Variants in GCN1 observed in about 807,000 individuals in gnomAD.
GCN1 encodes the protein stalled ribosome sensor GCN1.
In GCN1, 90 loss-of-function variants were observed where a neutral mutation model predicts 288.4. The observed-to-expected ratio is 0.31, with a 90% CI of 0.26 to 0.37. The LOEUF (loss-of-function observed/expected upper bound fraction) is 0.37, where lower values mean the gene tolerates loss of function less well. Ranked by LOEUF, GCN1 falls within the 10% of genes least tolerant of loss-of-function variation. GCN1 has a pLI of 1.00. For missense variants in GCN1, 2,586 were observed against 3,419.9 expected (o/e 0.76, Z 6.08); for synonymous variants, 1,386 against 1,420.2 (o/e 0.98, Z 0.54).
At chr12:120,130,001 C>G (rs1372678120) in intron 56 of GCN1, among the ~76,000 whole-genome samples, 4 of 152,232 alleles carry the variant, frequency 2.6e-5, no homozygotes, top group Non-Finnish European at 4.4e-5. Flanking sequence ...TCAGGCCCCT[C>G]AGAAACTCCG....
In GCN1 at chr12:120,177,490, G is replaced by A. The variant is rs372570686; in HGVS notation, c.795C>T (p.Thr265=). The change falls in exon 9 of 58, where the codon ACC becomes ACT. Residue 265 remains threonine, a synonymous_variant. Transcript: ENST00000300648. ...HSEFKDLILP[T]IQKSLLRSPE... The stretch of plus-strand genomic sequence containing the variant: ...GACTCCTCAGTAAGGACTTCTGTAT[G>A]GTGGGCAGTATCAGATCCTTAAATT... The A allele has an allele frequency of 1.9e-6, 3 of 1,608,560 alleles. No homozygotes were observed. Among genetic ancestry groups the A allele is most frequent in the Non-Finnish European group, 2.6e-6 (3 of 1,175,052 alleles).
Position 120,158,613 on chromosome 12 carries a change from T to G in GCN1, c.2752A>C (p.Thr918Pro). ...CGCAGGGTCACGTGGCTCACCAAAG[T>G]GCCTGTGTTGAAGAGGAGAGACCCA... ...VMPSRLKALG[T>P]LVSHVTLRLL... The change falls in exon 25 of 58, where the codon ACT becomes CCT. Residue 918 changes from threonine (T) to proline (P), a missense_variant and splice_region_variant. Coordinates refer to ENST00000300648, the MANE Select transcript of GCN1 (RefSeq NM_006836.2). The surrounding 1 kb of genome is among the most constrained non-coding windows in gnomAD (Gnocchi z 4.3). The G allele has an allele frequency of 6.2e-7, 1 of 1,603,216 alleles. No individual in the cohort carries two copies.
At chr12:120,138,295 A>C in intron 47 of GCN1, 28 bp downstream of exon 47, 1 of 1,358,066 alleles carries the variant, frequency 7.4e-7, no homozygotes, top group Non-Finnish European at 1.1e-6. Flanking sequence ...CTGGAGCCAG[A>C]GGGTGTTGAC....
At chr12:120,190,839 C>A (rs11831750) in intron 1 of GCN1, among the ~76,000 whole-genome samples, 411 of 152,306 alleles carry the variant, frequency 2.7e-3, no homozygotes, top group African/African-American at 9.2e-3. Context: ...GTTCCCTTTA[C>A]ATTATCTCAC....
At chr12:120,175,054 G>A in intron 12 of GCN1, 108 bp downstream of exon 12, 3 of 897,092 alleles carry the variant, frequency 3.3e-6, no homozygotes, top group African/African-American at 1.7e-5. Context: ...TTGAACCTGG[G>A]AGGCAGAGGT....
chr12:120,171,509 A>G (rs773363636), intron 14 of GCN1, among the ~76,000 whole-genome samples: 3 of 151,902 alleles, frequency 2.0e-5, no homozygotes, highest in Non-Finnish European at 2.9e-5. Context: ...CTTCCCCCCT[A>G]CCCCAACACC....
At position 120,137,222 on chromosome 12, in the gene GCN1, A is replaced by G; in HGVS notation, c.6761T>C (p.Phe2254Ser). The change falls in exon 50 of 58, where the codon TTC becomes TCC. Residue 2254 changes from phenylalanine (F) to serine (S), a missense_variant. Physicochemically the swap from Phe to Ser is radical, Grantham distance 155. This residue lies in a region of GCN1 where 437 missense variants were observed against 570.5 expected (regional missense o/e 0.77). Transcript: ENST00000300648. The surrounding 1 kb of genome is among the most constrained non-coding windows in gnomAD (Gnocchi z 5.2). ...CTGGCTTACCTTCTTCGGGAGGCAG[A>G]ATCCTGGCACATGCTCGCCTTTGCT... is the stretch of plus-strand genomic sequence containing the variant. Reference protein sequence around the residue: ...NESKGEHVPGFCLPKKGVTSI... With the variant: ...NESKGEHVPGSCLPKKGVTSI... 6.2e-7 allele frequency: 1 copy of G among 1,613,970 alleles called. No individual in the cohort carries two copies. The highest frequency in any genetic ancestry group is 8.5e-7 in the Non-Finnish European group (1 of 1,179,834).
At chr12:120,177,830 G>A in intron 7 of GCN1, 78 bp from the exon 8 acceptor site, 1 of 1,024,818 alleles carries the variant, frequency 9.8e-7, no homozygotes, top group Non-Finnish European at 1.5e-6. Flanking sequence ...CCTCTTGTGA[G>A]AGTGCCTCCA....
rs200979023 is a variant in GCN1, at chr12:120,178,894, G to A, written c.483C>T (p.Ala161=). The A allele has an allele frequency of 7.2e-4, 1,164 of 1,614,044 alleles. 10 individuals carry two copies. The Middle Eastern group carries it at 0.011, about 15-fold the overall frequency. ...TGAGTTTCTTCACAGCACCATCCACGGCGTGCTTGTGGGAGCCACCCAGCA... is the reference window on the plus strand; with the variant it reads ...TGAGTTTCTTCACAGCACCATCCACAGCGTGCTTGTGGGAGCCACCCAGCA... ...LEVLGGSHKH[A]VDGAVKKLTK... The change falls in exon 6 of 58, where the codon GCC becomes GCT. Residue 161 remains alanine, a synonymous_variant. Coordinates refer to ENST00000300648, the MANE Select transcript of GCN1 (RefSeq NM_006836.2).
At chr12:120,131,161 T>C (rs1876805633) in intron 55 of GCN1, 24 bp downstream of exon 55, 12 of 1,611,642 alleles carry the variant, frequency 7.4e-6, no homozygotes, top group Non-Finnish European at 1.0e-5. Flanking sequence ...CCTATGCCTA[T>C]GGGATATGGC....
Position 120,156,151 on chromosome 12 carries a change from A to C in GCN1, c.3312+310T>G, listed in dbSNP as rs1450392317. Among the ~76,000 whole-genome samples, 2 of 152,186 alleles carry C rather than the reference A, an allele frequency of 1.3e-5. No individual in the cohort carries two copies. The highest frequency in any genetic ancestry group is 4.8e-5 in the African/African-American group (2 of 41,446). ...TTTGGTCCAAAAGCCATGAAGAAAA[A>C]CCAAGTACATGGCAGTGGGCTAAAG... On this transcript the variant is annotated intron_variant, in intron 28 of 57. Transcript: ENST00000300648. This position sits in a 1 kb window ranked among gnomAD's most constrained non-coding sequence, Gnocchi z 5.8.
Position 120,158,364 on chromosome 12 carries a change from C to T in GCN1, c.2905+96G>A. ...AAATCCTCCATATGGTCCAATCCCC[C>T]AGGCTCAGGAGGCCCTGGGTGACGC... On this transcript the variant is annotated intron_variant, in intron 25 of 57. Transcript: ENST00000300648. The surrounding 1 kb of genome is among the most constrained non-coding windows in gnomAD (Gnocchi z 4.3). The T allele has an allele frequency of 9.4e-7, 1 of 1,062,802 alleles. No individual in the cohort carries two copies. The highest frequency in any genetic ancestry group is 1.3e-6 in the Non-Finnish European group (1 of 748,782). The allele number at this position is 1,062,802 out of a possible 1,614,324, so 65.8% of individuals were successfully genotyped here.
chr12:120,148,047 T>C, intron 37 of GCN1, 120 bp downstream of exon 37: 1 of 688,134 alleles, frequency 1.5e-6, no homozygotes, highest in Non-Finnish European at 2.5e-6. Flanking sequence ...TATTTCACTG[T>C]GAACATATTT....
At chr12:120,184,310 C>A in intron 3 of GCN1, 67 bp from the exon 4 acceptor site, 1 of 1,415,808 alleles carries the variant, frequency 7.1e-7, no homozygotes, top group African/African-American at 1.4e-5. Flanking sequence ...CAAGGCTGCT[C>A]AGGCCATACA....
At position 120,156,604 on chromosome 12, in the gene GCN1, C is replaced by G. The variant is rs1323599066; in HGVS notation, c.3169G>C (p.Val1057Leu). Residue 1057 changes from valine (V) to leucine (L), a missense_variant and splice_region_variant, in exon 28 of 58, where the codon GTT (valine) becomes CTT (leucine). Val to Leu is a conservative substitution (Grantham distance 32, BLOSUM62 1). This residue lies in a region of GCN1 where 153 missense variants were observed against 252.0 expected (regional missense o/e 0.61). Coordinates refer to ENST00000300648, the MANE Select transcript of GCN1 (RefSeq NM_006836.2). The surrounding 1 kb of genome is among the most constrained non-coding windows in gnomAD (Gnocchi z 5.8). Reference sequence around the variant, plus strand: ...GTGGTCAGGGTGTCTGAAGCCAGAACCTAAGGAGAACATCAATCCACTGGT... The same window carrying G: ...GTGGTCAGGGTGTCTGAAGCCAGAAGCTAAGGAGAACATCAATCCACTGGT... ...VIGTGSPRLQ[V>L]LASDTLTTLC... The G allele has an allele frequency of 6.2e-7, 1 of 1,613,860 alleles. No individual in the cohort carries two copies. Among genetic ancestry groups the G allele is most frequent in the Admixed American group, 1.7e-5 (1 of 60,000 alleles).
intron 23 of GCN1, 48 bp downstream of exon 23, chr12:120,160,094 T>C: frequency 1.9e-6 from 3 of 1,587,760 alleles, no homozygotes; most frequent in South Asian, 2.2e-5. Context: ...AGGACCAAGC[T>C]GCCCAGCACT....
rs1403464433 is a variant in GCN1 at position 120,184,764 on chromosome 12, A to C, written c.185+60T>G. 6.5e-6 allele frequency: 8 copies of C among 1,229,242 alleles called. No homozygotes were observed. The Admixed American group carries it at 6.7e-5, about 10-fold the overall frequency. 76.1% of individuals were successfully genotyped at this position (1,229,242 alleles called of 1,614,324 possible). On this transcript the variant is annotated intron_variant, in intron 3 of 57. Coordinates refer to ENST00000300648, the MANE Select transcript of GCN1 (RefSeq NM_006836.2). ...GGCTCTAATCTGGGCTCTAACCACT[A>C]CTCTAAATCCCCTCTCTGTACAAAG...
Position 120,136,604 on chromosome 12 carries a change from G to A in GCN1, c.6906C>T (p.Ser2302=), listed in dbSNP as rs199987142. ...RLTSADALRP[S]VVSITGPLIR... The stretch of plus-strand genomic sequence containing the variant: ...TCAGAGGGCCAGTGATGCTGACCAC[G>A]GAGGGCCTCAGGGCGTCAGCCGAGG... The change falls in exon 51 of 58, where the codon TCC becomes TCT. Residue 2302 remains serine, a synonymous_variant. Coordinates refer to ENST00000300648, the MANE Select transcript of GCN1 (RefSeq NM_006836.2). The A allele has an allele frequency of 1.8e-5, 29 of 1,614,128 alleles. No individual in the cohort carries two copies. The African/African-American group carries it at 2.8e-4, about 16-fold the overall frequency.
At position 120,148,481 on chromosome 12, in the gene GCN1, G is replaced by A. The variant is rs75042513; in HGVS notation, c.4547-135C>T. The stretch of plus-strand genomic sequence containing the variant: ...GCTCAAGCAGTCACTGGGAGGAGGG[G>A]AGAGGGGGCTGGCTCTAGCAGAGGG... On this transcript the variant is annotated intron_variant, in intron 36 of 57. Coordinates refer to ENST00000300648, the MANE Select transcript of GCN1 (RefSeq NM_006836.2). The A allele has an allele frequency of 3.9e-5, 27 of 690,040 alleles. 1 individual carries two copies. In the East Asian group the frequency reaches 6.6e-4, roughly 17 times the overall value. The allele number at this position is 690,040 out of a possible 1,614,324, so 42.7% of individuals were successfully genotyped here.
Sources: allele counts gnomAD v4.1 joint callset (sites outside exome capture counted in the v4.1 genomes callset), GRCh38; gene constraint gnomAD v4.1.1; regional missense constraint gnomAD v4.1.1; non-coding constraint Gnocchi (gnomAD v3.1); transcripts MANE v1.5; gene names NCBI Gene and HGNC (gene_info 2026-07-23, HGNC 2026-07-21).